ABHD12: variants seen among roughly 807,000 people sequenced by gnomAD.
ABHD12 encodes the protein abhydrolase domain containing 12, lysophospholipase.
ABHD12 carries 43 observed loss-of-function variants against 58.3 expected under a neutral mutation model. The ratio of observed to expected loss-of-function variants is 0.74; its 90% CI spans 0.58 to 0.95. ABHD12 has a LOEUF of 0.95. Ranked by LOEUF, ABHD12 falls within the 40% of genes least tolerant of loss-of-function variation. ABHD12 has a pLI of 0.00. For synonymous variants in ABHD12, 219 were observed against 211.2 expected (o/e 1.04, Z -0.32); for missense variants, 539 against 537.2 (o/e 1.00, Z -0.03).
intron 1 of ABHD12, among the ~76,000 whole-genome samples, chr20:25,382,156 T>A (rs1032502403): frequency 6.6e-6 from 1 of 152,162 alleles, no homozygotes; most frequent in African/African-American, 2.4e-5. Context: ...AGCCAGAGAA[T>A]CTGAAAACTC....
intron 2 of ABHD12, among the ~76,000 whole-genome samples, chr20:25,332,306 C>A (rs1459824354): frequency 6.6e-6 from 1 of 151,380 alleles, no homozygotes; most frequent in Non-Finnish European, 1.5e-5. Context: ...ATTCATAAAG[C>A]AAGTCCTGAG....
chr20:25,329,002 G>A (rs914999368), intron 2 of ABHD12, among the ~76,000 whole-genome samples: 2 of 152,220 alleles, frequency 1.3e-5, no homozygotes, highest in African/African-American at 4.8e-5. Flanking sequence ...GAGACGGGTT[G>A]GCGTGCGCAG....
intron 1 of ABHD12, among the ~76,000 whole-genome samples, chr20:25,359,281 G>T (rs557481620): frequency 4.7e-5 from 7 of 150,458 alleles, no homozygotes; most frequent in Non-Finnish European, 1.0e-4. Flanking sequence ...AAAATTAGCC[G>T]GGCGTGATGG....
intron 7 of ABHD12, among the ~76,000 whole-genome samples, chr20:25,309,213 C>T (rs1000327995): frequency 2.0e-5 from 3 of 151,750 alleles, no homozygotes; most frequent in East Asian, 3.9e-4. Flanking sequence ...GGAGACCCCT[C>T]GACCTCCACT....
chr20:25,347,285 C>A (rs2089532160), intron 1 of ABHD12, among the ~76,000 whole-genome samples: 1 of 152,104 alleles, frequency 6.6e-6, no homozygotes, highest in Non-Finnish European at 1.5e-5. Flanking sequence ...GAAATACTGC[C>A]AGCATGCTGT....
intron 1 of ABHD12, among the ~76,000 whole-genome samples, chr20:25,348,513 C>CG (rs2089552022): frequency 6.7e-6 from 1 of 150,136 alleles, no homozygotes; most frequent in Admixed American, 6.6e-5. Context: ...CCCAGCTACC[C>CG]GGGAGGCTGA....
chr20:25,299,316 G>A (rs1384899085), downstream of ABHD12, among the ~76,000 whole-genome samples: 1 of 152,138 alleles, frequency 6.6e-6, no homozygotes, highest in Non-Finnish European at 1.5e-5. Context: ...TGGGAGAACT[G>A]CTTGAGCCCA....
At position 25,320,264 on chromosome 20, in the gene ABHD12, C is replaced by G; in HGVS notation, c.477G>C (p.Trp159Cys). 1 of 1,614,178 alleles carries G rather than the reference C, an allele frequency of 6.2e-7. No individual in the cohort carries two copies. Among genetic ancestry groups the G allele is most frequent in the Non-Finnish European group, 8.5e-7 (1 of 1,180,044 alleles). Residue 159 changes from tryptophan (W) to cysteine (C), a missense_variant, in exon 4 of 13, where the codon TGG becomes TGC. Coordinates refer to ENST00000339157, the MANE Select transcript of ABHD12 (RefSeq NM_001042472.3). Reference protein sequence around the residue: ...WKNAQGKDQMWYEDALASSHP... With the variant: ...WKNAQGKDQMCYEDALASSHP... ...GGCTGGAAGCCAAGGCATCCTCATA[C>G]CACATCTGGTCTTTGCCTTGGGCGT...
intron 1 of ABHD12, among the ~76,000 whole-genome samples, chr20:25,388,852 G>C (rs375223661): frequency 7.0e-6 from 1 of 142,190 alleles, no homozygotes; most frequent in Non-Finnish European, 1.5e-5. Context: ...GCACTGGTGC[G>C]ATCTCGGTTC....
intron 1 of ABHD12, among the ~76,000 whole-genome samples, chr20:25,388,939 G>A (rs570858887): frequency 8.6e-5 from 13 of 151,850 alleles, no homozygotes; most frequent in Admixed American, 3.9e-4. Flanking sequence ...CGAGTAGCTG[G>A]GATTACAGGC....
chr20:25,340,086 A>G (rs1175848781), intron 1 of ABHD12, among the ~76,000 whole-genome samples: 1 of 152,240 alleles, frequency 6.6e-6, no homozygotes, highest in Non-Finnish European at 1.5e-5. Flanking sequence ...TCTCTACAGT[A>G]CAAAATTGAG....
At chr20:25,305,094 T>TGACC (rs1212016719) in intron 10 of ABHD12, among the ~76,000 whole-genome samples, 1 of 152,092 alleles carries the variant, frequency 6.6e-6, no homozygotes, top group African/African-American at 2.4e-5. Flanking sequence ...CTTGAACTCC[T>TGACC]GACCTCAGGT....
intron 6 of ABHD12, among the ~76,000 whole-genome samples, 174 bp from the exon 7 acceptor site, chr20:25,309,749 G>C (rs1422160404): frequency 1.3e-5 from 2 of 152,220 alleles, no homozygotes; most frequent in Non-Finnish European, 2.9e-5. Flanking sequence ...GCAGTGGGGA[G>C]AACGGGCACA....
chr20:25,349,557 A>G (rs1320736421), intron 1 of ABHD12, among the ~76,000 whole-genome samples: 1 of 152,260 alleles, frequency 6.6e-6, no homozygotes, highest in Non-Finnish European at 1.5e-5. Flanking sequence ...ATGGAGTATT[A>G]TGTAGCCATA....
At chr20:25,350,893 G>C (rs1020928550) in intron 1 of ABHD12, among the ~76,000 whole-genome samples, 1 of 150,858 alleles carries the variant, frequency 6.6e-6, no homozygotes, top group Admixed American at 6.6e-5. Context: ...ATTGACCTTG[G>C]ATACCAGAGC....
At chr20:25,314,133 C>T (rs1277198439) in intron 6 of ABHD12, among the ~76,000 whole-genome samples, 2 of 151,962 alleles carry the variant, frequency 1.3e-5, no homozygotes, top group Admixed American at 6.6e-5. Context: ...CCATTACGCC[C>T]GGTTAATTTT....
chr20:25,322,700 A>G (rs374446313), intron 3 of ABHD12, among the ~76,000 whole-genome samples: 22 of 143,188 alleles, frequency 1.5e-4, no homozygotes, highest in East Asian at 1.3e-3. Context: ...ATATATTCAA[A>G]CCAGTGTTTG....
At chr20:25,309,648 G>T in intron 6 of ABHD12, 73 bp from the exon 7 acceptor site, 1 of 1,599,648 alleles carries the variant, frequency 6.3e-7, no homozygotes, top group South Asian at 1.1e-5. Flanking sequence ...ACCTCCCCAA[G>T]GGGGCCCAGG....
At chr20:25,312,932 GC>G (rs1176509825) in intron 6 of ABHD12, among the ~76,000 whole-genome samples, 1 of 151,602 alleles carries the variant, frequency 6.6e-6, no homozygotes, top group Non-Finnish European at 1.5e-5. Flanking sequence ...GAAGTGAGGA[GC>G]GTCTCCACCC....
Sources: gnomAD v4.1 joint callset for allele counts (sites outside exome capture counted in the v4.1 genomes callset) on GRCh38, gnomAD v4.1.1 for gene constraint, MANE v1.5 for transcripts, NCBI Gene and HGNC (gene_info 2026-07-23, HGNC 2026-07-21) for gene names.